The following FRAS1 variants were observed in gnomAD, a reference collection of about 807,000 sequenced individuals.
FRAS1 encodes the protein Fraser extracellular matrix complex subunit 1.
In FRAS1, 290 loss-of-function variants were observed where a neutral mutation model predicts 435.2. The ratio of observed to expected loss-of-function variants is 0.67; its 90% CI spans 0.61 to 0.73. The LOEUF (loss-of-function observed/expected upper bound fraction) is 0.73, where lower values mean the gene tolerates loss of function less well. FRAS1 is among the 30% of genes least tolerant of loss of function. The pLI is 0.00. For missense variants in FRAS1, 4,860 were observed against 5,001.5 expected, an observed-to-expected ratio of 0.97 and a Z score of 0.85; for synonymous variants, 1,800 against 1,851.0, an observed-to-expected ratio of 0.97 and a Z score of 0.71.
intron 2 of FRAS1, among the ~76,000 whole-genome samples, chr4:78,164,324 C>G (rs938652068): frequency 4.6e-5 from 7 of 151,526 alleles, no homozygotes; most frequent in Non-Finnish European, 1.0e-4. Flanking sequence ...TCCAGAGCTA[C>G]CCATAATGCT....
chr4:78,508,720 C>G lies in FRAS1; in HGVS notation c.9505-11C>G, dbSNP rs991323126. ...CCCAACCTGAACTGAAGCTTTGTTGCTCTTTCGCAGGTGGTCACACTTGCT... is the reference window on the plus strand; with the variant it reads ...CCCAACCTGAACTGAAGCTTTGTTGGTCTTTCGCAGGTGGTCACACTTGCT... On this transcript the variant is annotated splice_polypyrimidine_tract_variant and intron_variant, in intron 62 of 73. Coordinates refer to ENST00000512123, the MANE Select transcript of FRAS1 (RefSeq NM_025074.7). 2 of 1,613,416 alleles carry G rather than the reference C, an allele frequency of 1.2e-6. No homozygotes were observed. The highest frequency in any genetic ancestry group is 2.2e-5 in the South Asian group (2 of 90,914).
chr4:78,305,767 A>G (rs13109279), intron 14 of FRAS1, among the ~76,000 whole-genome samples: 41,165 of 150,620 alleles, frequency 0.27, 6,304 homozygotes, highest in Admixed American at 0.35. Flanking sequence ...TCTGCACATG[A>G]GATGGGTTTC....
chr4:78,271,394 A>C (rs1012311252), intron 9 of FRAS1, among the ~76,000 whole-genome samples: 1 of 152,106 alleles, frequency 6.6e-6, no homozygotes, highest in Non-Finnish European at 1.5e-5. Context: ...TACATGTGCC[A>C]TGTTGGTGTG....
At chr4:78,376,884 A>C (rs1232399969) in intron 26 of FRAS1, among the ~76,000 whole-genome samples, 1 of 152,088 alleles carries the variant, frequency 6.6e-6, no homozygotes, top group Non-Finnish European at 1.5e-5. Flanking sequence ...CCAGCTACTC[A>C]GGAGGCTAAG....
chr4:78,489,849 G>C (rs758504398), intron 59 of FRAS1, among the ~76,000 whole-genome samples: 3 of 151,186 alleles, frequency 2.0e-5, no homozygotes, highest in African/African-American at 4.9e-5. Context: ...ATATATCCCA[G>C]TATAGGACCA....
At chr4:78,343,397 G>T (rs1730473940) in intron 20 of FRAS1, among the ~76,000 whole-genome samples, 1 of 151,976 alleles carries the variant, frequency 6.6e-6, no homozygotes. Flanking sequence ...TATGCAGGTT[G>T]TAGACCAACT....
chr4:78,438,856 C>T, intron 39 of FRAS1, 46 bp from the exon 40 acceptor site: 1 of 1,557,922 alleles, frequency 6.4e-7, no homozygotes, highest in Non-Finnish European at 8.7e-7. Flanking sequence ...TCTTACCTGG[C>T]TTGTCATCGT....
At chr4:78,134,197 G>A (rs1258988164) in intron 2 of FRAS1, among the ~76,000 whole-genome samples, 2 of 151,956 alleles carry the variant, frequency 1.3e-5, no homozygotes, top group African/African-American at 2.4e-5. Flanking sequence ...ACATGAAATG[G>A]GTCAGAGAAG....
At chr4:78,527,491 A>G (rs1336689880) in intron 70 of FRAS1, among the ~76,000 whole-genome samples, 1 of 152,234 alleles carries the variant, frequency 6.6e-6, no homozygotes, top group Non-Finnish European at 1.5e-5. Context: ...AGCAAAGTAT[A>G]TAGAAAACAT....
chr4:78,256,169 G>A (rs1725786472), intron 6 of FRAS1, among the ~76,000 whole-genome samples: 1 of 152,138 alleles, frequency 6.6e-6, no homozygotes, highest in African/African-American at 2.4e-5. Flanking sequence ...TGACAATTGG[G>A]CAATATTTTT....
chr4:78,295,916 TA>T (rs1251102693), intron 14 of FRAS1, among the ~76,000 whole-genome samples: 3 of 151,738 alleles, frequency 2.0e-5, no homozygotes, highest in Admixed American at 6.6e-5. Flanking sequence ...TGGCTAATTT[TA>T]TTTTTTTGTA....
At chr4:78,200,648 C>A (rs923863846) in intron 2 of FRAS1, among the ~76,000 whole-genome samples, 2 of 151,576 alleles carry the variant, frequency 1.3e-5, no homozygotes, top group African/African-American at 4.8e-5. Context: ...GTTCTGGGCC[C>A]TGTATTGCAT....
intron 2 of FRAS1, among the ~76,000 whole-genome samples, chr4:78,229,662 T>C (rs2110106077): frequency 6.6e-6 from 1 of 152,066 alleles, no homozygotes; most frequent in East Asian, 1.9e-4. Flanking sequence ...GTAAGACTGC[T>C]GTACAATATA....
chr4:78,266,890 G>T lies in FRAS1; in HGVS notation c.744G>T (p.Glu248Asp). Residue 248 changes from glutamate (E) to aspartate (D), a missense_variant, in exon 8 of 74, where the codon GAG becomes GAT. Coordinates refer to ENST00000512123, the MANE Select transcript of FRAS1 (RefSeq NM_025074.7). ...CCACGTGTATATGTGACCGGGGTGA[G>T]GTCAGGTGTCACAAGCAGGCCTGCC... ...ACTTCICDRG[E>D]VRCHKQACLP... 1 of 1,608,670 alleles carries T rather than the reference G, an allele frequency of 6.2e-7. No individual in the cohort carries two copies. Among genetic ancestry groups the T allele is most frequent in the South Asian group, 1.1e-5 (1 of 89,400 alleles).
intron 58 of FRAS1, among the ~76,000 whole-genome samples, chr4:78,484,013 C>A (rs1720097087): frequency 6.6e-6 from 1 of 151,842 alleles, no homozygotes; most frequent in Non-Finnish European, 1.5e-5. Flanking sequence ...TGAACAGTTC[C>A]AACACTCTGC....
chr4:78,071,411 G>A (rs918903631), intron 2 of FRAS1: 6 of 152,168 alleles, frequency 3.9e-5, no homozygotes, highest in Non-Finnish European at 7.4e-5. Context: ...ACAAGATGTC[G>A]GAGTAGAAAT....
chr4:78,073,024 AT>A (rs1409443693), intron 2 of FRAS1, among the ~76,000 whole-genome samples: 2 of 152,118 alleles, frequency 1.3e-5, no homozygotes, highest in African/African-American at 4.8e-5. Context: ...GGTGAAAAAA[AT>A]CTCCTGGCAC....
intron 26 of FRAS1, among the ~76,000 whole-genome samples, chr4:78,378,467 T>G (rs979600562): frequency 2.0e-5 from 3 of 152,268 alleles, no homozygotes; most frequent in Middle Eastern, 3.4e-3. Flanking sequence ...CTGTGTCCTT[T>G]GGTAACTGTA....
At chr4:78,201,075 G>A (rs899969897) in intron 2 of FRAS1, among the ~76,000 whole-genome samples, 1 of 151,944 alleles carries the variant, frequency 6.6e-6, no homozygotes, top group South Asian at 2.1e-4. Context: ...GATCTCAGAT[G>A]TATTCTTATT....
Sources: allele counts gnomAD v4.1 joint callset (sites outside exome capture counted in the v4.1 genomes callset), GRCh38; gene constraint gnomAD v4.1.1; transcripts MANE v1.5; gene names NCBI Gene and HGNC (gene_info 2026-07-23, HGNC 2026-07-21).